Variants in AFG1L observed in about 807,000 individuals in gnomAD.
AFG1L encodes the protein AFG1 like ATPase.
AFG1L carries 53 observed loss-of-function variants against 62.2 expected under a neutral mutation model. The observed-to-expected ratio is 0.85, with a 90% CI of 0.68 to 1.07. The LOEUF is 1.07. Ranked by LOEUF, AFG1L falls within the 50% of genes least tolerant of loss-of-function variation. AFG1L has a pLI of 0.00. For synonymous variants in AFG1L, 228 were observed against 210.3 expected (o/e 1.08, Z -0.73); for missense variants, 555 against 590.5 (o/e 0.94, Z 0.62).
rs765555644 is a variant in AFG1L, at chr6:108,476,622, G to T, written c.891-243G>T. Reference sequence around the variant, plus strand: ...TTAATGGATTTACTCTGCCTGTATCGTCTCATTACTGGAAACAGCTAGAAG... The same window carrying T: ...TTAATGGATTTACTCTGCCTGTATCTTCTCATTACTGGAAACAGCTAGAAG... On this transcript the variant is annotated intron_variant, in intron 8 of 12. Transcript: ENST00000368977. Among the ~76,000 whole-genome samples, 4 of 152,138 alleles carry T rather than the reference G, an allele frequency of 2.6e-5. No individual in the cohort carries two copies. The East Asian group carries it at 7.7e-4, about 29-fold the overall frequency.
chr6:108,506,246 G>A (rs1379869369), intron 10 of AFG1L, among the ~76,000 whole-genome samples: 2 of 152,078 alleles, frequency 1.3e-5, no homozygotes, highest in African/African-American at 2.4e-5. Flanking sequence ...GGTCTCTGTC[G>A]ACCAGGCTCG....
At chr6:108,494,780 T>C (rs1205889957) in intron 10 of AFG1L, among the ~76,000 whole-genome samples, 3 of 151,544 alleles carry the variant, frequency 2.0e-5, no homozygotes, top group Non-Finnish European at 4.4e-5. Flanking sequence ...CTTTTCTTTT[T>C]TTTTTTTTCA....
At chr6:108,315,196 A>G (rs750281723) in intron 1 of AFG1L, among the ~76,000 whole-genome samples, 4 of 151,576 alleles carry the variant, frequency 2.6e-5, no homozygotes, top group Non-Finnish European at 5.9e-5. Context: ...GTCCTTTCCA[A>G]CCTCTTCTTG....
At chr6:108,347,738 C>A (rs1447542417) in intron 3 of AFG1L, among the ~76,000 whole-genome samples, 1 of 152,178 alleles carries the variant, frequency 6.6e-6, no homozygotes, top group African/African-American at 2.4e-5. Context: ...CCTTGGCCAC[C>A]CTCAGCCACT....
intron 11 of AFG1L, among the ~76,000 whole-genome samples, chr6:108,517,699 C>T (rs1774958313): frequency 6.6e-6 from 1 of 152,056 alleles, no homozygotes; most frequent in Non-Finnish European, 1.5e-5. Flanking sequence ...AAGAAACTAC[C>T]ATCAGAGTGA....
chr6:108,414,430 A>C (rs1245754537), intron 7 of AFG1L, among the ~76,000 whole-genome samples: 1 of 152,142 alleles, frequency 6.6e-6, no homozygotes, highest in Non-Finnish European at 1.5e-5. Context: ...TATGAGGCCA[A>C]AATCATCCTG....
At chr6:108,441,773 C>T (rs564346272) in intron 7 of AFG1L, among the ~76,000 whole-genome samples, 1 of 150,086 alleles carries the variant, frequency 6.7e-6, no homozygotes, top group Non-Finnish European at 1.5e-5. Flanking sequence ...GTGCTAACAT[C>T]TAAGTGCTTT....
intron 1 of AFG1L, among the ~76,000 whole-genome samples, chr6:108,311,674 A>C (rs1485282024): frequency 2.0e-5 from 3 of 151,328 alleles, no homozygotes; most frequent in African/African-American, 7.3e-5. Context: ...CACTGCTTTG[A>C]GTGCAGTTAA....
intron 11 of AFG1L, among the ~76,000 whole-genome samples, chr6:108,516,248 C>A (rs1436474141): frequency 6.6e-6 from 1 of 152,144 alleles, no homozygotes; most frequent in African/African-American, 2.4e-5. Flanking sequence ...TGCAAAAATC[C>A]TCAATAAAAT....
At chr6:108,493,034 G>C (rs1326865913) in intron 10 of AFG1L, among the ~76,000 whole-genome samples, 1 of 152,106 alleles carries the variant, frequency 6.6e-6, no homozygotes, top group Non-Finnish European at 1.5e-5. Context: ...TGGAAAGTAT[G>C]GGTTCTTTTA....
chr6:108,366,052 C>G (rs1216912042), intron 5 of AFG1L, among the ~76,000 whole-genome samples, 181 bp from the exon 6 acceptor site: 1 of 151,896 alleles, frequency 6.6e-6, no homozygotes, highest in Non-Finnish European at 1.5e-5. Context: ...AAAGAAGAGT[C>G]AAGTTTAAAA....
At chr6:108,413,023 C>T (rs1782188509) in intron 7 of AFG1L, among the ~76,000 whole-genome samples, 1 of 152,062 alleles carries the variant, frequency 6.6e-6, no homozygotes, top group Admixed American at 6.5e-5. Context: ...GGAAACCCAT[C>T]TCAGGTGCAG....
intron 6 of AFG1L, among the ~76,000 whole-genome samples, chr6:108,397,213 C>T (rs1210781787): frequency 2.6e-5 from 4 of 152,018 alleles, no homozygotes; most frequent in Non-Finnish European, 5.9e-5. Context: ...TTGCAATCTC[C>T]ACCTTCTGGG....
rs562734992 is a variant in AFG1L, at chr6:108,332,209, A to C, written c.363+8161A>C. On this transcript the variant is annotated intron_variant, in intron 2 of 12. Transcript: ENST00000368977. ...CTGGCCTTTGCTCTAGATGACTGCT[A>C]CCTGACTAGATATGAGGGCTGGTAG... is the stretch of plus-strand genomic sequence containing the variant. 5.9e-5 allele frequency among the ~76,000 whole-genome samples: 9 copies of C among 152,332 alleles called. No homozygotes were observed. In the East Asian group the frequency reaches 1.7e-3, roughly 29 times the overall value.
intron 5 of AFG1L, among the ~76,000 whole-genome samples, chr6:108,361,398 G>A (rs933888407): frequency 5.1e-4 from 77 of 152,218 alleles, no homozygotes; most frequent in African/African-American, 1.8e-3. Flanking sequence ...TGAGTCAGAA[G>A]GCCAGTCTTT....
At chr6:108,453,714 C>T (rs991290314) in intron 8 of AFG1L, among the ~76,000 whole-genome samples, 1 of 152,200 alleles carries the variant, frequency 6.6e-6, no homozygotes, top group South Asian at 2.1e-4. Flanking sequence ...CTTCCCATAC[C>T]TAAACTTTGG....
chr6:108,518,266 A>G (rs1774981055), intron 11 of AFG1L, among the ~76,000 whole-genome samples: 1 of 152,196 alleles, frequency 6.6e-6, no homozygotes, highest in Non-Finnish European at 1.5e-5. Flanking sequence ...ATGTCCAACA[A>G]TGATAGACTG....
intron 5 of AFG1L, among the ~76,000 whole-genome samples, chr6:108,360,325 A>C (rs1173242551): frequency 6.6e-6 from 1 of 152,196 alleles, no homozygotes; most frequent in African/African-American, 2.4e-5. Flanking sequence ...GTTGGGTATT[A>C]TACCAACTAC....
chr6:108,451,491 A>T (rs1292994179), intron 8 of AFG1L, among the ~76,000 whole-genome samples: 2 of 152,206 alleles, frequency 1.3e-5, no homozygotes, highest in Non-Finnish European at 2.9e-5. Flanking sequence ...TAGGAATCCT[A>T]GAGTACCTTC....
Sources: allele counts gnomAD v4.1 joint callset (sites outside exome capture counted in the v4.1 genomes callset), GRCh38; gene constraint gnomAD v4.1.1; transcripts MANE v1.5; gene names NCBI Gene and HGNC (gene_info 2026-07-23, HGNC 2026-07-21).